IFT25: variants seen among roughly 807,000 people sequenced by gnomAD.
IFT25 encodes the protein intraflagellar transport protein 25 homolog.
the IFT25 span, chr1:53,940,020 A>G: frequency 3.7e-6 from 6 of 1,610,778 alleles, no homozygotes; most frequent in African/African-American, 8.0e-5. Context: ...GTTTTTCATC[A>G]CTTGATGTAG....
At chr1:53,929,981 T>C in the IFT25 span, 1 of 1,504,378 alleles carries the variant, frequency 6.6e-7, no homozygotes, top group Non-Finnish European at 8.8e-7. Flanking sequence ...AACTAAAATA[T>C]TAGCCTTACC....
the IFT25 span, chr1:53,923,805 TATC>T: frequency 1.3e-5 from 10 of 781,922 alleles, no homozygotes; most frequent in Non-Finnish European, 1.8e-5. Flanking sequence ...AAACCTATAA[TATC>T]ATGAGGAAAT....
the IFT25 span, among the ~76,000 whole-genome samples, chr1:53,926,036 A>G: frequency 6.0e-5 from 9 of 150,842 alleles, no homozygotes. Context: ...TGGGAAGCGG[A>G]AGTTGCAGTG....
At chr1:53,941,192 A>C in the IFT25 span, among the ~76,000 whole-genome samples, 2 of 152,004 alleles carry the variant, frequency 1.3e-5, no homozygotes, top group Non-Finnish European at 2.9e-5. Context: ...ACGGGGTTTC[A>C]CCATGTTGGC....
At chr1:53,934,892 G>A in the IFT25 span, among the ~76,000 whole-genome samples, 1 of 152,162 alleles carries the variant, frequency 6.6e-6, no homozygotes, top group Non-Finnish European at 1.5e-5. Flanking sequence ...ATAGCTACTT[G>A]GGAGGCTGGG....
chr1:53,943,492 TA>T, the IFT25 span, among the ~76,000 whole-genome samples: 29 of 152,168 alleles, frequency 1.9e-4, no homozygotes, highest in Non-Finnish European at 3.5e-4. Flanking sequence ...GGAACGCTGC[TA>T]AATATACCAT....
the IFT25 span, among the ~76,000 whole-genome samples, chr1:53,919,420 G>T: frequency 4.9e-3 from 740 of 152,282 alleles, 1 homozygote; most frequent in Non-Finnish European, 8.2e-3. Context: ...GAGCAGAGAT[G>T]AACAGTCCTT....
chr1:53,930,199 A>C, the IFT25 span: 8 of 1,472,902 alleles, frequency 5.4e-6, no homozygotes, highest in Non-Finnish European at 7.2e-6. Flanking sequence ...ATGGTTAATC[A>C]TAAAATTTTA....
chr1:53,915,053 A>C, the IFT25 span, among the ~76,000 whole-genome samples: 1 of 152,236 alleles, frequency 6.6e-6, no homozygotes, highest in Admixed American at 6.5e-5. Flanking sequence ...GTGATCCAAA[A>C]ATTCATATAT....
the IFT25 span, chr1:53,929,827 C>T: frequency 1.5e-6 from 1 of 676,670 alleles, no homozygotes. Context: ...GAGAGGCCAA[C>T]TGAGCTCAAG....
the IFT25 span, among the ~76,000 whole-genome samples, chr1:53,922,033 A>G: frequency 1.3e-4 from 20 of 152,344 alleles, no homozygotes; most frequent in South Asian, 4.1e-3. Context: ...GTCTTGAACT[A>G]GCCTCAAAGC....
At chr1:53,939,339 C>A in the IFT25 span, among the ~76,000 whole-genome samples, 1 of 146,684 alleles carries the variant, frequency 6.8e-6, no homozygotes. Context: ...TGCAGTGAGC[C>A]AAGATGGTGC....
the IFT25 span, among the ~76,000 whole-genome samples, chr1:53,932,333 C>CAAAA: frequency 7.6e-6 from 1 of 131,058 alleles, no homozygotes. Flanking sequence ...AACTCCATCT[C>CAAAA]AAAAAAAAAA....
the IFT25 span, chr1:53,921,734 T>C: frequency 5.0e-6 from 8 of 1,613,734 alleles, no homozygotes; most frequent in Admixed American, 6.7e-5. Flanking sequence ...GATACAATAA[T>C]GAATCTCAAG....
At chr1:53,941,992 G>T in the IFT25 span, among the ~76,000 whole-genome samples, 1 of 152,266 alleles carries the variant, frequency 6.6e-6, no homozygotes, top group East Asian at 1.9e-4. Flanking sequence ...CTCAAAGAAT[G>T]ATGATTAATG....
At chr1:53,914,350 T>TA in the IFT25 span, among the ~76,000 whole-genome samples, 1 of 152,346 alleles carries the variant, frequency 6.6e-6, no homozygotes, top group East Asian at 1.9e-4. Flanking sequence ...TCCTTGAAGA[T>TA]AAAATGTTTT....
the IFT25 span, among the ~76,000 whole-genome samples, chr1:53,919,725 T>C: frequency 1.3e-5 from 2 of 152,178 alleles, no homozygotes; most frequent in African/African-American, 4.8e-5. Flanking sequence ...CACCAATCTT[T>C]CAATTAATGC....
chr1:53,935,606 A>C, the IFT25 span, among the ~76,000 whole-genome samples: 1,717 of 149,666 alleles, frequency 0.011, 33 homozygotes, highest in African/African-American at 0.039. Flanking sequence ...GTTGTTACCC[A>C]CCCCCAAAAA....
the IFT25 span, among the ~76,000 whole-genome samples, chr1:53,928,145 T>C: frequency 1.3e-5 from 2 of 152,350 alleles, no homozygotes; most frequent in Middle Eastern, 3.4e-3. Context: ...ATTTTCCTAA[T>C]AAGGATTCTG....
Sources: gnomAD v4.1 joint callset for allele counts (sites outside exome capture counted in the v4.1 genomes callset) on GRCh38, gnomAD v4.1.1 for gene constraint, MANE v1.5 for transcripts, NCBI Gene and HGNC (gene_info 2026-07-23, HGNC 2026-07-21) for gene names.